The following CFI variants were observed in gnomAD, a reference collection of about 807,000 sequenced individuals.
CFI encodes the protein C3B/C4B inactivator.
Under a neutral mutation model 78.8 loss-of-function variants are expected in CFI, and 66 were observed. That is an observed-to-expected ratio of 0.84 (90% CI 0.69 to 1.03). CFI has a LOEUF of 1.03. Among genes scored for constraint, CFI ranks in the 50% least tolerant of loss-of-function variants. The pLI is 0.00. For synonymous variants in CFI, 250 were observed against 232.6 expected, an observed-to-expected ratio of 1.07 and a Z score of -0.68; for missense variants, 706 against 704.5, an observed-to-expected ratio of 1.00 and a Z score of -0.02.
chr4:109,788,604 G>T (rs1470934055), intron 1 of CFI, among the ~76,000 whole-genome samples: 3 of 151,800 alleles, frequency 2.0e-5, no homozygotes, highest in Admixed American at 2.0e-4. Context: ...AAAACTAATG[G>T]CAAGTTTAGT....
intron 1 of CFI, among the ~76,000 whole-genome samples, chr4:109,786,977 G>A (rs28649729): frequency 0.014 from 2,114 of 152,022 alleles, 41 homozygotes; most frequent in African/African-American, 0.047. Flanking sequence ...TGTGCAACTG[G>A]GTTTGTCCTT....
chr4:109,778,194 G>A (rs1729529472), intron 1 of CFI, among the ~76,000 whole-genome samples: 1 of 152,168 alleles, frequency 6.6e-6, no homozygotes, highest in South Asian at 2.1e-4. Context: ...GAATCCAGGA[G>A]ATGGTTTTTT....
intron 1 of CFI, among the ~76,000 whole-genome samples, chr4:109,772,158 C>T (rs1011195786): frequency 2.0e-5 from 3 of 152,228 alleles, no homozygotes; most frequent in South Asian, 2.1e-4. Context: ...CAGAAAATCA[C>T]TGTTGAAAAA....
intron 2 of CFI, 144 bp from the exon 3 acceptor site, chr4:109,764,834 AT>A: frequency 1.3e-6 from 1 of 768,236 alleles, no homozygotes; most frequent in Non-Finnish European, 2.1e-6. Flanking sequence ...GTAAGCAATC[AT>A]TTTACGAGTA....
At chr4:109,799,193 T>G (rs1431133188) in intron 1 of CFI, among the ~76,000 whole-genome samples, 1 of 152,182 alleles carries the variant, frequency 6.6e-6, no homozygotes, top group Non-Finnish European at 1.5e-5. Flanking sequence ...TTTTTCCCCA[T>G]GCTTTGGTGC....
chr4:109,753,530 TAAATATTTATA>T (rs1261010678), intron 7 of CFI, among the ~76,000 whole-genome samples: 425 of 10,316 alleles, frequency 0.041, 26 homozygotes, highest in African/African-American at 0.082. Context: ...ATATTTATAA[TAAATATTTATA>T]ATATATTTAT....
At chr4:109,738,575 G>A (rs1052006319), downstream of CFI, among the ~76,000 whole-genome samples, 1 of 152,172 alleles carries the variant, frequency 6.6e-6, no homozygotes, top group African/African-American at 2.4e-5. Context: ...CTTTGAGCCT[G>A]GGCAGGTCTT....
chr4:109,799,301 C>T (rs1732461034), intron 1 of CFI, among the ~76,000 whole-genome samples: 2 of 152,162 alleles, frequency 1.3e-5, no homozygotes, highest in African/African-American at 4.8e-5. Flanking sequence ...TGCTTTTCTG[C>T]TCTGAGTTCT....
chr4:109,759,665 G>A (rs962275981), intron 6 of CFI, among the ~76,000 whole-genome samples: 1 of 152,152 alleles, frequency 6.6e-6, no homozygotes, highest in African/African-American at 2.4e-5. Context: ...CACTTTGGGA[G>A]GCCAAGATCA....
rs7437875 is a variant in CFI, at chr4:109,741,003, C to T, written c.1642G>A (p.Glu548Lys). 11 of 1,614,102 alleles carry T rather than the reference C, an allele frequency of 6.8e-6. No homozygotes were observed. Among genetic ancestry groups the T allele is most frequent in the Non-Finnish European group, 8.5e-6 (10 of 1,179,974 alleles). The change falls in exon 13 of 13, where the codon GAA becomes AAA. Residue 548 changes from glutamate (E) to lysine (K), a missense_variant. By Grantham distance (56) the Glu-to-Lys change is moderately conservative (BLOSUM62 1). Transcript: ENST00000394634. ...TYVWGVVSWG[E>K]NCGKPEFPGV... is the part of the protein sequence containing the mutation. ...GGGAACTCTGGTTTTCCACAGTTTTCCCCCCAACTCACAACACCCCAGACA... is the reference window on the plus strand; with the variant it reads ...GGGAACTCTGGTTTTCCACAGTTTTTCCCCCAACTCACAACACCCCAGACA...
At chr4:109,759,351 C>T (rs1313476194) in intron 6 of CFI, among the ~76,000 whole-genome samples, 3 of 151,716 alleles carry the variant, frequency 2.0e-5, no homozygotes, top group Admixed American at 6.6e-5. Context: ...AACGTAATAA[C>T]CAAACAGAAC....
chr4:109,746,694 G>A lies in CFI; in HGVS notation c.1149-192C>T, dbSNP rs1429535297. ...AATTAGGTCAATGGTAAATGATAAA[G>A]CTAGGAATAATCCATGTAACTGCTC... On this transcript the variant is annotated intron_variant, in intron 10 of 12. Coordinates refer to ENST00000394634, the MANE Select transcript of CFI (RefSeq NM_000204.5). Among the ~76,000 whole-genome samples, 3 of 152,226 alleles carry A rather than the reference G, an allele frequency of 2.0e-5. 1 individual carries two copies. Among genetic ancestry groups the A allele is most frequent in the South Asian group, 2.1e-4 (1 of 4,818 alleles).
intron 10 of CFI, among the ~76,000 whole-genome samples, chr4:109,748,888 A>G (rs1724794253): frequency 1.3e-5 from 2 of 152,194 alleles, no homozygotes; most frequent in Non-Finnish European, 2.9e-5. Context: ...CACAGTAAAG[A>G]AAATATAGGT....
intron 1 of CFI, among the ~76,000 whole-genome samples, chr4:109,781,548 A>G (rs191072270): frequency 2.0e-5 from 3 of 152,312 alleles, no homozygotes; most frequent in African/African-American, 7.2e-5. Context: ...GTCCAGGACC[A>G]GACAGATTCA....
rs1727793326 is a variant in CFI at position 109,766,653 on chromosome 4, T to C, written c.229A>G (p.Thr77Ala). 1.2e-6 allele frequency: 2 copies of C among 1,614,236 alleles called. No individual in the cohort carries two copies. The highest frequency in any genetic ancestry group is 2.2e-5 in the East Asian group (1 of 44,880). Reference protein sequence around the residue: ...CPKNGTAVCATNRRSFPTYCQ... With the variant: ...CPKNGTAVCAANRRSFPTYCQ... ...TATGTTGGGAAGCTTCTCCTGTTAG[T>C]TGCACACACTGCAGTGCCATTCTTT... Residue 77 changes from threonine to alanine, a missense_variant, in exon 2 of 13, where the codon ACT becomes GCT. Transcript: ENST00000394634.
At chr4:109,779,344 C>T (rs113284071) in intron 1 of CFI, among the ~76,000 whole-genome samples, 8,025 of 152,104 alleles carry the variant, frequency 0.053, 361 homozygotes, top group East Asian at 0.2. Flanking sequence ...CAAGAACAGA[C>T]GCACAGAGAG....
intron 12 of CFI, 78 bp from the exon 13 acceptor site, chr4:109,741,188 TAAC>T: frequency 6.2e-7 from 1 of 1,604,946 alleles, no homozygotes. Context: ...CCATGGCATT[TAAC>T]AACTTTGGCT....
chr4:109,741,147 C>CT (rs1343861771), intron 12 of CFI, 37 bp from the exon 13 acceptor site: 18 of 1,613,248 alleles, frequency 1.1e-5, no homozygotes, highest in Non-Finnish European at 1.4e-5. Flanking sequence ...TCACACATTT[C>CT]CTTCCATTTT....
At chr4:109,781,902 C>T (rs1423694889) in intron 1 of CFI, among the ~76,000 whole-genome samples, 1 of 151,976 alleles carries the variant, frequency 6.6e-6, no homozygotes, top group Non-Finnish European at 1.5e-5. Flanking sequence ...GAATGAAAAA[C>T]CAAAGTCACA....
Sources: allele counts gnomAD v4.1 joint callset (sites outside exome capture counted in the v4.1 genomes callset), GRCh38; gene constraint gnomAD v4.1.1; transcripts MANE v1.5; gene names NCBI Gene and HGNC (gene_info 2026-07-23, HGNC 2026-07-21).